Variants in ELAVL2 observed in about 807,000 individuals in gnomAD.
The protein encoded by ELAVL2 is ELAV-like protein 2.
Under a neutral mutation model 34.6 loss-of-function variants are expected in ELAVL2, and 4 were observed. The observed-to-expected ratio is 0.12, with a 90% CI of 0.06 to 0.26. The LOEUF (loss-of-function observed/expected upper bound fraction) is 0.26. ELAVL2 is among the 10% of genes least tolerant of loss of function. The probability of loss-of-function intolerance (pLI) is 1.00; values close to 1 mark genes in which losing one functional copy is unlikely to be tolerated. For missense variants in ELAVL2, 432 were observed against 442.8 expected (o/e 0.98, Z 0.22); for synonymous variants, 193 against 154.8 (o/e 1.25, Z -1.83).
chr9:23,693,035 G>T, intron 6 of ELAVL2, 151 bp from the exon 7 acceptor site: 2 of 749,728 alleles, frequency 2.7e-6, no homozygotes, highest in African/African-American at 1.8e-5. Flanking sequence ...TTTTGACCAA[G>T]GTCTGTGTGT....
intron 1 of ELAVL2, among the ~76,000 whole-genome samples, chr9:23,802,812 A>G (rs1329268693): frequency 6.6e-6 from 1 of 152,242 alleles, no homozygotes; most frequent in Non-Finnish European, 1.5e-5. Context: ...AAAGAAATGT[A>G]AAATGTAAAA....
At chr9:23,798,986 A>G (rs1007618674) in intron 1 of ELAVL2, among the ~76,000 whole-genome samples, 1 of 152,176 alleles carries the variant, frequency 6.6e-6, no homozygotes, top group Non-Finnish European at 1.5e-5. Flanking sequence ...TTCTTCCTTG[A>G]TATGTGTACA....
intron 2 of ELAVL2, among the ~76,000 whole-genome samples, chr9:23,746,915 G>C (rs931509188): frequency 6.6e-6 from 1 of 151,578 alleles, no homozygotes; most frequent in African/African-American, 2.4e-5. Flanking sequence ...ATCATTAGTG[G>C]ACCAGACTAT....
At chr9:23,723,393 G>A (rs2044243189) in intron 3 of ELAVL2, among the ~76,000 whole-genome samples, 1 of 151,934 alleles carries the variant, frequency 6.6e-6, no homozygotes, top group African/African-American at 2.4e-5. Context: ...GACACAGGAA[G>A]GGGAACAACA....
intron 3 of ELAVL2, 102 bp downstream of exon 3, chr9:23,730,920 G>A: frequency 1.8e-6 from 2 of 1,105,836 alleles, no homozygotes; most frequent in Non-Finnish European, 2.5e-6. Context: ...CCAGGTAACT[G>A]TTTATATGGG....
At chr9:23,777,066 C>T (rs1437511224) in intron 1 of ELAVL2, among the ~76,000 whole-genome samples, 1 of 152,200 alleles carries the variant, frequency 6.6e-6, no homozygotes, top group Non-Finnish European at 1.5e-5. Flanking sequence ...TTTAAAAGAA[C>T]TCTCAGTAGA....
the ELAVL2 span, among the ~76,000 whole-genome samples, chr9:23,842,823 C>G: frequency 6.6e-6 from 1 of 152,124 alleles, no homozygotes; most frequent in Admixed American, 6.5e-5. Flanking sequence ...AGTTGGGCCA[C>G]TGGCTACATA....
chr9:23,766,271 A>G (rs1336136846), intron 1 of ELAVL2, among the ~76,000 whole-genome samples: 1 of 152,258 alleles, frequency 6.6e-6, no homozygotes, highest in Middle Eastern at 3.4e-3. Flanking sequence ...CACTGTAACA[A>G]GAGATTTTGG....
intron 1 of ELAVL2, among the ~76,000 whole-genome samples, chr9:23,801,681 C>T (rs2061584819): frequency 6.6e-6 from 1 of 152,204 alleles, no homozygotes; most frequent in South Asian, 2.1e-4. Flanking sequence ...ACAGAATGTT[C>T]ACGCATTAGT....
chr9:23,776,775 A>C (rs2058267627), intron 1 of ELAVL2, among the ~76,000 whole-genome samples: 1 of 150,412 alleles, frequency 6.6e-6, no homozygotes. Flanking sequence ...TGGCAAAATC[A>C]CTGCTGCTAT....
the ELAVL2 span, among the ~76,000 whole-genome samples, chr9:23,839,283 G>GA: frequency 5.9e-4 from 85 of 145,050 alleles, no homozygotes; most frequent in Middle Eastern, 3.7e-3. Context: ...CGACTGTTTT[G>GA]AAAAAAAAAA....
chr9:23,714,012 T>C (rs541129250), intron 3 of ELAVL2, among the ~76,000 whole-genome samples: 1 of 152,340 alleles, frequency 6.6e-6, no homozygotes, highest in East Asian at 1.9e-4. Flanking sequence ...AAGTATTAAA[T>C]GCAACAATAA....
intron 3 of ELAVL2, among the ~76,000 whole-genome samples, chr9:23,715,289 C>A (rs2042005704): frequency 6.6e-6 from 1 of 152,206 alleles, no homozygotes; most frequent in Non-Finnish European, 1.5e-5. Context: ...GCTGGGAACA[C>A]AGGCGCCCGC....
chr9:23,696,460 A>G (rs2132860845), intron 5 of ELAVL2, among the ~76,000 whole-genome samples: 1 of 152,202 alleles, frequency 6.6e-6, no homozygotes, highest in East Asian at 1.9e-4. Flanking sequence ...GCTCAAGGAC[A>G]TCTTTTTATT....
upstream of ELAVL2, chr9:23,826,280 A>G (rs760569508): frequency 2.0e-5 from 3 of 152,376 alleles, no homozygotes; most frequent in Non-Finnish European, 4.4e-5. Flanking sequence ...ATAGCACCGT[A>G]TCACCAACCC....
chr9:23,794,577 C>T (rs2060689494), intron 1 of ELAVL2, among the ~76,000 whole-genome samples: 1 of 152,158 alleles, frequency 6.6e-6, no homozygotes, highest in Non-Finnish European at 1.5e-5. Context: ...TTTAAACATT[C>T]CTAGAATTTG....
At chr9:23,810,953 G>A (rs752128417) in intron 1 of ELAVL2, among the ~76,000 whole-genome samples, 4 of 152,118 alleles carry the variant, frequency 2.6e-5, no homozygotes, top group African/African-American at 4.8e-5. Flanking sequence ...CTAAAAAGTG[G>A]CAGATCCCTG....
chr9:23,771,415 GGATATATATATAAATCTATATATA>G, intron 1 of ELAVL2, among the ~76,000 whole-genome samples: 1 of 151,558 alleles, frequency 6.6e-6, no homozygotes, highest in South Asian at 2.1e-4. Flanking sequence ...AAGAAAATAA[GGATATATATATAAATCTATATATA>G]GATATATATA....
intron 1 of ELAVL2, among the ~76,000 whole-genome samples, chr9:23,811,891 A>G (rs1041403546): frequency 5.3e-5 from 8 of 152,136 alleles, no homozygotes; most frequent in African/African-American, 1.9e-4. Context: ...TCATACCATA[A>G]AAGAAAATCA....
Sources: gnomAD v4.1 joint callset for allele counts (sites outside exome capture counted in the v4.1 genomes callset) on GRCh38, gnomAD v4.1.1 for gene constraint, MANE v1.5 for transcripts, NCBI Gene and HGNC (gene_info 2026-07-23, HGNC 2026-07-21) for gene names.